KCNMB2: variants seen among roughly 807,000 people sequenced by gnomAD.
The protein encoded by KCNMB2 is potassium calcium-activated channel subfamily M regulatory beta subunit 2, also known as calcium-activated potassium channel subunit beta-2.
In KCNMB2, 9 loss-of-function variants were observed where a neutral mutation model predicts 24.5. That is an observed-to-expected ratio of 0.37 (90% CI 0.22 to 0.64). The LOEUF (loss-of-function observed/expected upper bound fraction) is 0.64, where lower values mean the gene tolerates loss of function less well. KCNMB2 is among the 30% of genes least tolerant of loss of function. KCNMB2 has a pLI of 0.63. For missense variants in KCNMB2, 226 were observed against 284.3 expected (o/e 0.79, Z 1.47); for synonymous variants, 109 against 104.4 (o/e 1.04, Z -0.27).
chr3:178,671,700 T>C (rs1720905039), intron 1 of KCNMB2, among the ~76,000 whole-genome samples: 1 of 152,226 alleles, frequency 6.6e-6, no homozygotes. Flanking sequence ...CACCCTGCTC[T>C]GCTGTCTGTC....
chr3:178,572,489 A>T (rs1716841791), intron 1 of KCNMB2, among the ~76,000 whole-genome samples: 1 of 152,254 alleles, frequency 6.6e-6, no homozygotes, highest in East Asian at 1.9e-4. Context: ...ATAAAAATAT[A>T]GTTGTTTAGA....
intron 1 of KCNMB2, among the ~76,000 whole-genome samples, chr3:178,725,550 C>T (rs961581340): frequency 2.0e-5 from 3 of 152,014 alleles, no homozygotes; most frequent in Non-Finnish European, 2.9e-5. Context: ...CATTTCTATA[C>T]ACGTGATATC....
At chr3:178,756,888 C>A (rs562796581) in intron 1 of KCNMB2, among the ~76,000 whole-genome samples, 2 of 152,060 alleles carry the variant, frequency 1.3e-5, no homozygotes, top group South Asian at 2.1e-4. Context: ...CACATCACAG[C>A]TTTCCTGAGC....
intron 1 of KCNMB2, among the ~76,000 whole-genome samples, chr3:178,549,118 G>T (rs1715861121): frequency 6.6e-6 from 1 of 152,050 alleles, no homozygotes; most frequent in African/African-American, 2.4e-5. Context: ...TTAAAATAAT[G>T]TTGTATACTA....
At chr3:178,554,752 T>C (rs1314339976) in intron 1 of KCNMB2, among the ~76,000 whole-genome samples, 3 of 152,246 alleles carry the variant, frequency 2.0e-5, no homozygotes, top group African/African-American at 7.2e-5. Context: ...CTAGGGTTGA[T>C]AAACAGACTG....
intron 1 of KCNMB2, among the ~76,000 whole-genome samples, chr3:178,626,804 C>T (rs898083465): frequency 1.3e-5 from 2 of 150,862 alleles, no homozygotes; most frequent in African/African-American, 4.9e-5. Flanking sequence ...CATACTAAAA[C>T]TTGTTAACTT....
chr3:178,698,992 G>A (rs1345735407), intron 1 of KCNMB2, among the ~76,000 whole-genome samples: 1 of 152,234 alleles, frequency 6.6e-6, no homozygotes, highest in South Asian at 2.1e-4. Context: ...TGTGCTGGGA[G>A]GGCCAAGGTG....
At chr3:178,623,420 C>T (rs1577055953) in intron 1 of KCNMB2, among the ~76,000 whole-genome samples, 1 of 152,152 alleles carries the variant, frequency 6.6e-6, no homozygotes, top group Non-Finnish European at 1.5e-5. Context: ...CCCAGATATA[C>T]GGCAGGGAGA....
intron 1 of KCNMB2, among the ~76,000 whole-genome samples, chr3:178,571,297 G>A (rs1159449689): frequency 6.6e-6 from 1 of 150,736 alleles, no homozygotes; most frequent in African/African-American, 2.4e-5. Flanking sequence ...TTTACCACAA[G>A]TGACTCTGTT....
rs572109886 is a variant in KCNMB2 at position 178,627,725 on chromosome 3, C to T, written c.-68+91014C>T. On this transcript the variant is annotated intron_variant, in intron 1 of 4. Transcript: ENST00000452583. ...GCTCTATCTTCACCTGTATTTTATG[C>T]GCCATTTCAGCCTTGATTATGCTAA... 1.1e-4 allele frequency among the ~76,000 whole-genome samples: 17 copies of T among 152,254 alleles called. No homozygotes were observed. In the South Asian group the frequency reaches 1.5e-3, roughly 13 times the overall value.
intron 1 of KCNMB2, among the ~76,000 whole-genome samples, chr3:178,686,727 A>G (rs1721485246): frequency 6.6e-6 from 1 of 152,172 alleles, no homozygotes; most frequent in South Asian, 2.1e-4. Context: ...ACTTTTAGTT[A>G]CTTCATTTAC....
At chr3:178,831,034 A>C (rs1041707238) in intron 4 of KCNMB2, among the ~76,000 whole-genome samples, 11 of 152,106 alleles carry the variant, frequency 7.2e-5, no homozygotes, top group Admixed American at 2.0e-4. Flanking sequence ...TTCTAGGTGT[A>C]CTATTGTTTT....
At chr3:178,835,943 T>C (rs1403765867) in intron 4 of KCNMB2, among the ~76,000 whole-genome samples, 1 of 152,192 alleles carries the variant, frequency 6.6e-6, no homozygotes, top group Non-Finnish European at 1.5e-5. Flanking sequence ...TGCTACATGG[T>C]ATATTGGAGC....
chr3:178,602,044 G>A (rs1347247821), intron 1 of KCNMB2, among the ~76,000 whole-genome samples: 2 of 152,162 alleles, frequency 1.3e-5, no homozygotes, highest in Non-Finnish European at 2.9e-5. Context: ...TTTATTGACT[G>A]CCTTGACATG....
rs1482666668 is a variant in KCNMB2 at position 178,715,628 on chromosome 3, A to AGGTTTCC, written c.-67-91715_-67-91714insGGTTTCC. The stretch of plus-strand genomic sequence containing the variant: ...CCTACTGTAAATCAAGCATATCTGG[A>AGGTTTCC]AACCACACCATACTGCTGTCATGGG... On this transcript the variant is annotated intron_variant, in intron 1 of 4. Transcript: ENST00000452583. Among the ~76,000 whole-genome samples, 27 of 152,170 alleles carry AGGTTTCC rather than the reference A, an allele frequency of 1.8e-4. 1 individual carries two copies. Among genetic ancestry groups the AGGTTTCC allele is most frequent in the Non-Finnish European group, 4.4e-5 (3 of 68,028 alleles).
At chr3:178,593,437 A>C (rs1222198967) in intron 1 of KCNMB2, among the ~76,000 whole-genome samples, 2 of 152,086 alleles carry the variant, frequency 1.3e-5, no homozygotes, top group Admixed American at 6.6e-5. Context: ...ATACTGCATC[A>C]AAAGACATGA....
At chr3:178,584,364 G>A (rs986927352) in intron 1 of KCNMB2, among the ~76,000 whole-genome samples, 1 of 152,184 alleles carries the variant, frequency 6.6e-6, no homozygotes, top group Admixed American at 6.5e-5. Context: ...TTTGCCACAG[G>A]CAATAGTTGT....
intron 4 of KCNMB2, among the ~76,000 whole-genome samples, chr3:178,841,858 G>A (rs777796584): frequency 6.6e-6 from 1 of 152,156 alleles, no homozygotes; most frequent in Non-Finnish European, 1.5e-5. Flanking sequence ...AGAGCGGAGA[G>A]ACATGTAAAA....
intron 3 of KCNMB2, among the ~76,000 whole-genome samples, chr3:178,826,085 C>T (rs1714823106): frequency 6.6e-6 from 1 of 152,152 alleles, no homozygotes; most frequent in Non-Finnish European, 1.5e-5. Context: ...ACAGCTCTTG[C>T]TTGTGGCAGA....
Sources: gnomAD v4.1 joint callset for allele counts (sites outside exome capture counted in the v4.1 genomes callset) on GRCh38, gnomAD v4.1.1 for gene constraint, MANE v1.5 for transcripts, NCBI Gene and HGNC (gene_info 2026-07-23, HGNC 2026-07-21) for gene names.